RGS17: variants seen among roughly 807,000 people sequenced by gnomAD.
The protein encoded by RGS17 is regulator of G-protein signaling 17.
In RGS17, 12 loss-of-function variants were observed where a neutral mutation model predicts 25.5. The ratio of observed to expected loss-of-function variants is 0.47; its 90% CI spans 0.30 to 0.76. The LOEUF (loss-of-function observed/expected upper bound fraction) is 0.76. Ranked by LOEUF, RGS17 falls within the 30% of genes least tolerant of loss-of-function variation. The pLI is 0.07. For synonymous variants in RGS17, 71 were observed against 76.9 expected (o/e 0.92, Z 0.40); for missense variants, 196 against 242.2 (o/e 0.81, Z 1.27).
At chr6:153,091,319 G>T (rs948178238) in intron 1 of RGS17, among the ~76,000 whole-genome samples, 10 of 152,144 alleles carry the variant, frequency 6.6e-5, no homozygotes, top group African/African-American at 1.7e-4. Context: ...TGAACATGAA[G>T]ATAATGGCTA....
intron 1 of RGS17, among the ~76,000 whole-genome samples, chr6:153,099,933 T>C (rs185315276): frequency 6.6e-6 from 1 of 152,336 alleles, no homozygotes; most frequent in Non-Finnish European, 1.5e-5. Flanking sequence ...GCTTGTTATA[T>C]GAGAACAGCT....
Position 153,006,084 on chromosome 6 carries a change from C to G in RGS17, c.*5490G>C, listed in dbSNP as rs1400191185. 1 of 152,166 alleles carries G rather than the reference C, an allele frequency of 6.6e-6. No individual in the cohort carries two copies. Among genetic ancestry groups the G allele is most frequent in the Non-Finnish European group, 1.5e-5 (1 of 68,026 alleles). The allele number at this position is 152,166 out of a possible 1,614,324, so 9.4% of individuals were successfully genotyped here. A position where few individuals can be genotyped will look rare whatever the true frequency, so the allele number is the denominator to read the frequency against. ...TAGACATGTCTGGAACTCCTGGGCT[C>G]AAGTGATCCTCACGCCTTAGTCTCC... On this transcript the variant is annotated 3_prime_UTR_variant, in exon 5 of 5. Transcript: ENST00000206262.
At chr6:153,027,595 T>G (rs1473101473) in intron 2 of RGS17, among the ~76,000 whole-genome samples, 1 of 152,208 alleles carries the variant, frequency 6.6e-6, no homozygotes, top group African/African-American at 2.4e-5. Context: ...GATGATTTTC[T>G]AGTGCCTGTT....
At position 153,011,747 on chromosome 6, in the gene RGS17, G is replaced by T; in HGVS notation, c.460C>A (p.Arg154=). 6.2e-7 allele frequency: 1 copy of T among 1,605,956 alleles called. No homozygotes were observed. ...TTTCTATTGATCACCTCTCTAACTC[G>T]AGAATCAAGACTGACCTAAAAAGAA... ...LSPKEVSLDS[R]VREVINRNLL... Residue 154 remains arginine (R), a synonymous_variant, in exon 5 of 5, where the codon CGA becomes AGA. Transcript: ENST00000206262.
intron 1 of RGS17, among the ~76,000 whole-genome samples, chr6:153,126,897 G>A (rs975011999): frequency 1.3e-5 from 2 of 152,176 alleles, no homozygotes; most frequent in African/African-American, 4.8e-5. Flanking sequence ...AATTTCTTGA[G>A]AAACAGCAAC....
rs906118522 is a variant in RGS17, at chr6:153,009,099, A to C, written c.*2475T>G. ...TGTTCTACAAATGCCCAGGTTAGAG[A>C]TTAGGACTCTTTATAACGGCCCTTA... On this transcript the variant is annotated 3_prime_UTR_variant, in exon 5 of 5. Transcript: ENST00000206262. 2.6e-5 allele frequency: 4 copies of C among 152,136 alleles called. No homozygotes were observed. The highest frequency in any genetic ancestry group is 6.6e-5 in the Admixed American group (1 of 15,262). The allele number at this position is 152,136 out of a possible 1,614,324, so 9.4% of individuals were successfully genotyped here. A position where few individuals can be genotyped will look rare whatever the true frequency, so the allele number is the denominator to read the frequency against.
Position 153,015,730 on chromosome 6 carries a change from T to G in RGS17, c.445-3968A>C, listed in dbSNP as rs572065291. On this transcript the variant is annotated intron_variant, in intron 4 of 4. Transcript: ENST00000206262. ...GTGCAGTGGCGCGATCTCGGCTCAC[T>G]GCAAGCTCCGCCTCCCGGGTTCACG... is the stretch of plus-strand genomic sequence containing the variant. 9.5e-4 allele frequency among the ~76,000 whole-genome samples: 145 copies of G among 151,990 alleles called. 2 individuals carry two copies. The highest frequency in any genetic ancestry group is 3.3e-3 in the African/African-American group (136 of 41,456).
At chr6:153,062,683 C>T (rs1429363591) in intron 1 of RGS17, among the ~76,000 whole-genome samples, 2 of 152,158 alleles carry the variant, frequency 1.3e-5, no homozygotes, top group East Asian at 3.9e-4. Context: ...TGCTGTTATT[C>T]CCCTCTTCTA....
In RGS17 at chr6:153,053,915, A is replaced by T. The variant is rs1237334316; in HGVS notation, c.-25-9872T>A. Among the ~76,000 whole-genome samples the T allele has an allele frequency of 1.8e-4, 17 of 95,852 alleles. 1 individual carries two copies. The highest frequency in any genetic ancestry group is 8.9e-4 in the African/African-American group (17 of 19,102). 62.9% of individuals were successfully genotyped at this position (95,852 alleles called of 152,430 possible). A position where few individuals can be genotyped will look rare whatever the true frequency, so the allele number is the denominator to read the frequency against. Reference sequence around the variant, plus strand: ...TTTCACATACATACATACACACATTATATATATATGTATATATATGTATAT... The same window carrying T: ...TTTCACATACATACATACACACATTTTATATATATGTATATATATGTATAT... On this transcript the variant is annotated intron_variant, in intron 1 of 4. Transcript: ENST00000206262.
chr6:153,077,565 G>T (rs17083510), intron 1 of RGS17, among the ~76,000 whole-genome samples: 79,331 of 151,880 alleles, frequency 0.52, 21,145 homozygotes, highest in Non-Finnish European at 0.57. Flanking sequence ...GTTTTAAAAT[G>T]TCATTATTAG....
chr6:153,081,406 C>T (rs1294295866), intron 1 of RGS17, among the ~76,000 whole-genome samples: 1 of 152,090 alleles, frequency 6.6e-6, no homozygotes, highest in Non-Finnish European at 1.5e-5. Context: ...CTTATGGTTA[C>T]TGACTTGGCA....
intron 1 of RGS17, among the ~76,000 whole-genome samples, chr6:153,070,906 T>C (rs556947693): frequency 1.3e-5 from 2 of 150,212 alleles, no homozygotes; most frequent in African/African-American, 4.9e-5. Flanking sequence ...TGCGTATATG[T>C]ACATATGTGT....
chr6:153,058,887 C>A (rs1383987435), intron 1 of RGS17, among the ~76,000 whole-genome samples: 2 of 138,452 alleles, frequency 1.4e-5, no homozygotes, highest in Admixed American at 1.5e-4. Context: ...GAAGGGTATA[C>A]TCGTTAGCGC....
chr6:153,040,151 G>C (rs1171954261), intron 2 of RGS17, among the ~76,000 whole-genome samples: 2 of 152,052 alleles, frequency 1.3e-5, no homozygotes, highest in Non-Finnish European at 2.9e-5. Flanking sequence ...AGGGCTATGA[G>C]GAGAAAAGGG....
intron 2 of RGS17, among the ~76,000 whole-genome samples, chr6:153,031,244 G>C (rs924741613): frequency 6.6e-6 from 1 of 152,010 alleles, no homozygotes; most frequent in African/African-American, 2.4e-5. Context: ...TTCATAATGG[G>C]GATAATGGCA....
chr6:153,112,342 A>G (rs1482743763), intron 1 of RGS17, among the ~76,000 whole-genome samples: 1 of 152,222 alleles, frequency 6.6e-6, no homozygotes, highest in Non-Finnish European at 1.5e-5. Context: ...AGATCAACTT[A>G]ATGAAATAAA....
At chr6:153,084,759 G>C (rs891646165) in intron 1 of RGS17, among the ~76,000 whole-genome samples, 4 of 152,156 alleles carry the variant, frequency 2.6e-5, no homozygotes, top group Non-Finnish European at 5.9e-5. Context: ...TGGTGTCTTT[G>C]ACCAGAGTGG....
At chr6:153,092,142 T>C (rs1362383624) in intron 1 of RGS17, among the ~76,000 whole-genome samples, 2 of 152,246 alleles carry the variant, frequency 1.3e-5, no homozygotes, top group Non-Finnish European at 2.9e-5. Context: ...TTTGAATTTT[T>C]GTCTTTTAAA....
At position 153,004,649 on chromosome 6, in the gene RGS17, TTC is replaced by T. The variant is rs1362180482; in HGVS notation, c.*6923_*6924del. 3.3e-5 allele frequency: 5 copies of T among 152,184 alleles called. No homozygotes were observed. Among genetic ancestry groups the T allele is most frequent in the African/African-American group, 4.8e-5 (2 of 41,440 alleles). The allele number at this position is 152,184 out of a possible 1,614,324, so 9.4% of individuals were successfully genotyped here. ...TTTTTACATTACTGTCATGCTCAAA[TTC>T]TGTTACATGGTGAAAATTCTAGCAT... On this transcript the variant is annotated 3_prime_UTR_variant, in exon 5 of 5. Coordinates refer to ENST00000206262, the MANE Select transcript of RGS17 (RefSeq NM_012419.5).
Sources: gnomAD v4.1 joint callset for allele counts (sites outside exome capture counted in the v4.1 genomes callset) on GRCh38, gnomAD v4.1.1 for gene constraint, MANE v1.5 for transcripts, NCBI Gene and HGNC (gene_info 2026-07-23, HGNC 2026-07-21) for gene names.